Variants in DPYD observed in about 807,000 individuals in gnomAD.
DPYD encodes dihydropyrimidine dehydrogenase, also known as dihydropyrimidine dehydrogenase [NADP(+)].
DPYD carries 109 observed loss-of-function variants against 116.2 expected under a neutral mutation model. The observed-to-expected ratio is 0.94, with a 90% CI of 0.80 to 1.10. The LOEUF is 1.10. Ranked by LOEUF, DPYD falls within the 50% of genes least tolerant of loss-of-function variation. DPYD has a pLI of 0.00. For synonymous variants in DPYD, 440 were observed against 432.0 expected, an observed-to-expected ratio of 1.02 and a Z score of -0.23; for missense variants, 1,302 against 1,254.5, an observed-to-expected ratio of 1.04 and a Z score of -0.57.
At chr1:97,669,904 T>G (rs1659764446) in intron 8 of DPYD, among the ~76,000 whole-genome samples, 1 of 152,172 alleles carries the variant, frequency 6.6e-6, no homozygotes. Context: ...TCTTTTCTTC[T>G]GTGTATGTCT....
intron 14 of DPYD, among the ~76,000 whole-genome samples, chr1:97,397,225 G>A (rs568760940): frequency 6.6e-6 from 1 of 152,028 alleles, no homozygotes; most frequent in Non-Finnish European, 1.5e-5. Context: ...TAATATATAC[G>A]CATGTATAAA....
intron 19 of DPYD, among the ~76,000 whole-genome samples, chr1:97,216,915 C>T (rs1660441433): frequency 6.6e-6 from 1 of 151,390 alleles, no homozygotes; most frequent in South Asian, 2.1e-4. Flanking sequence ...TGTGTCAAAA[C>T]CTTAATTGAG....
intron 12 of DPYD, among the ~76,000 whole-genome samples, chr1:97,522,793 A>C (rs1648780853): frequency 6.6e-6 from 1 of 152,174 alleles, no homozygotes; most frequent in Non-Finnish European, 1.5e-5. Flanking sequence ...GATATAAATA[A>C]AATCACCTTT....
chr1:97,865,447 G>T (rs921647628), intron 2 of DPYD, among the ~76,000 whole-genome samples: 3 of 151,778 alleles, frequency 2.0e-5, no homozygotes, highest in African/African-American at 7.3e-5. Flanking sequence ...TCAATACTGG[G>T]TATTCATTCA....
intron 13 of DPYD, among the ~76,000 whole-genome samples, chr1:97,496,996 A>T (rs1295249091): frequency 6.6e-6 from 1 of 152,036 alleles, no homozygotes; most frequent in African/African-American, 2.4e-5. Flanking sequence ...TGATTAAAGA[A>T]TAATTTTCAT....
chr1:97,595,232 C>T (rs967114281), intron 8 of DPYD, 66 bp from the exon 9 acceptor site: 2 of 1,295,146 alleles, frequency 1.5e-6, no homozygotes, highest in East Asian at 2.4e-5. Flanking sequence ...GATATTAAAA[C>T]AAAAAAGAAA....
At chr1:97,103,593 T>C (rs1486138274) in intron 20 of DPYD, among the ~76,000 whole-genome samples, 1 of 152,120 alleles carries the variant, frequency 6.6e-6, no homozygotes, top group African/African-American at 2.4e-5. Flanking sequence ...ATATGTGATA[T>C]CTAAATTGGT....
chr1:97,454,048 A>G (rs952258198), intron 13 of DPYD, among the ~76,000 whole-genome samples: 15 of 152,054 alleles, frequency 9.9e-5, no homozygotes, highest in African/African-American at 3.4e-4. Context: ...TCTGAAAGGA[A>G]TTTGTTAGCA....
chr1:97,740,547 CTCAT>C, intron 3 of DPYD, 68 bp from the exon 4 acceptor site: 1 of 1,320,520 alleles, frequency 7.6e-7, no homozygotes, highest in Non-Finnish European at 1.1e-6. Flanking sequence ...CTACCTTATA[CTCAT>C]TCAGAGTCCG....
rs184527854 is a variant in DPYD, at chr1:97,366,201, A to G, written c.2058+7360T>C. Among the ~76,000 whole-genome samples the G allele has an allele frequency of 8.3e-3, 1,270 of 152,300 alleles. 13 individuals carry two copies. The highest frequency in any genetic ancestry group is 9.2e-3 in the Non-Finnish European group (626 of 68,034). On this transcript the variant is annotated intron_variant, in intron 16 of 22. Coordinates refer to ENST00000370192, the MANE Select transcript of DPYD (RefSeq NM_000110.4). ...TTCCTGTAGTTTATCTACTTATGTA[A>G]GCACCCATGTCTATCAAATGGCTGA...
intron 13 of DPYD, among the ~76,000 whole-genome samples, chr1:97,511,775 A>G (rs547080106): frequency 6.6e-6 from 1 of 152,042 alleles, no homozygotes; most frequent in African/African-American, 2.4e-5. Flanking sequence ...CTACCAATAC[A>G]TGCAGTTAGA....
At chr1:97,782,119 G>T (rs532724326) in intron 3 of DPYD, among the ~76,000 whole-genome samples, 4 of 152,284 alleles carry the variant, frequency 2.6e-5, no homozygotes, top group Non-Finnish European at 5.9e-5. Context: ...AGTTGTTGAG[G>T]AAGTAAACTC....
chr1:97,736,359 T>A (rs1663940421), intron 4 of DPYD, among the ~76,000 whole-genome samples: 1 of 150,266 alleles, frequency 6.7e-6, no homozygotes, highest in African/African-American at 2.5e-5. Context: ...GTAAAAAAAA[T>A]GGAAATAAAA....
chr1:97,885,470 C>A (rs1230803889), intron 1 of DPYD, among the ~76,000 whole-genome samples: 2 of 151,928 alleles, frequency 1.3e-5, no homozygotes, highest in Admixed American at 6.6e-5. Context: ...ATTTAAAAAT[C>A]ATAAATGACT....
Position 97,126,390 on chromosome 1 carries a change from C to A in DPYD, c.2623-27758G>T, listed in dbSNP as rs143323752. 2.0e-3 allele frequency among the ~76,000 whole-genome samples: 308 copies of A among 152,246 alleles called. 4 individuals carry two copies. Among genetic ancestry groups the A allele is most frequent in the African/African-American group, 7.0e-3 (291 of 41,562 alleles). ...CACTTGCTTGGATTTGCCTCCCTGG[C>A]CCCTTTCTCCACTTGTTCACACTCA... On this transcript the variant is annotated intron_variant, in intron 20 of 22. Coordinates refer to ENST00000370192, the MANE Select transcript of DPYD (RefSeq NM_000110.4).
chr1:97,757,520 G>A lies in DPYD; in HGVS notation c.234-17041C>T, dbSNP rs535670275. On this transcript the variant is annotated intron_variant, in intron 3 of 22. Transcript: ENST00000370192. ...CAGCCACACCAGGTGTTCAACAAAT[G>A]CTTTTTGAATAAATAAATAATAATA... Among the ~76,000 whole-genome samples the A allele has an allele frequency of 1.4e-3, 206 of 152,178 alleles. 1 individual carries two copies. The highest frequency in any genetic ancestry group is 2.6e-3 in the Non-Finnish European group (176 of 68,000).
chr1:97,648,087 G>A (rs934994270), intron 8 of DPYD, among the ~76,000 whole-genome samples: 3 of 152,024 alleles, frequency 2.0e-5, no homozygotes, highest in Admixed American at 2.0e-4. Context: ...TGAATGTCAA[G>A]TCTGGATTTA....
At chr1:97,542,123 T>C (rs1239519768) in intron 12 of DPYD, among the ~76,000 whole-genome samples, 8 of 152,214 alleles carry the variant, frequency 5.3e-5, no homozygotes, top group Non-Finnish European at 8.8e-5. Context: ...CTACTCCAAA[T>C]TGAAATCCTA....
At chr1:97,546,063 A>G (rs561445378) in intron 12 of DPYD, 43 of 1,408,190 alleles carry the variant, frequency 3.1e-5, no homozygotes, top group South Asian at 3.0e-4. Context: ...CAGCAACAAC[A>G]TCACAGTAGG....
Sources: gnomAD v4.1 joint callset for allele counts (sites outside exome capture counted in the v4.1 genomes callset) on GRCh38, gnomAD v4.1.1 for gene constraint, MANE v1.5 for transcripts, NCBI Gene and HGNC (gene_info 2026-07-23, HGNC 2026-07-21) for gene names.